FAR2: variants seen among roughly 807,000 people sequenced by gnomAD.
FAR2 encodes the protein epididymis secretory protein Li 81.
In FAR2, 19 loss-of-function variants were observed where a neutral mutation model predicts 56.0. The ratio of observed to expected loss-of-function variants is 0.34; its 90% CI spans 0.24 to 0.50. The LOEUF is 0.50. FAR2 is among the 20% of genes least tolerant of loss of function. The pLI, the probability that FAR2 is intolerant of heterozygous loss-of-function variation, is 0.98. For synonymous variants in FAR2, 219 were observed against 218.8 expected, an observed-to-expected ratio of 1.00 and a Z score of -0.01; for missense variants, 508 against 642.2, an observed-to-expected ratio of 0.79 and a Z score of 2.26.
chr12:29,325,702 C>T (rs11050193), intron 10 of FAR2, among the ~76,000 whole-genome samples: 45,715 of 151,948 alleles, frequency 0.3, 6,995 homozygotes, highest in East Asian at 0.35. Flanking sequence ...TTGAAACCAA[C>T]GAGAACAAAG....
At chr12:29,204,597 A>G (rs953177756) in intron 1 of FAR2, among the ~76,000 whole-genome samples, 4 of 152,212 alleles carry the variant, frequency 2.6e-5, no homozygotes, top group Non-Finnish European at 2.9e-5. Context: ...TTGCACTGCT[A>G]TAAAGAAATA....
chr12:29,158,509 C>G (rs1949751603), intron 1 of FAR2, among the ~76,000 whole-genome samples: 1 of 152,352 alleles, frequency 6.6e-6, no homozygotes, highest in East Asian at 1.9e-4. Flanking sequence ...TGTGACATTG[C>G]CTCTTCCTTC....
intron 1 of FAR2, among the ~76,000 whole-genome samples, chr12:29,257,341 C>CT (rs1376823840): frequency 6.6e-6 from 1 of 152,120 alleles, no homozygotes; most frequent in Non-Finnish European, 1.5e-5. Flanking sequence ...CGTGGAGAAC[C>CT]TTTGTGTCTA....
At chr12:29,200,411 G>A (rs34270636) in intron 1 of FAR2, among the ~76,000 whole-genome samples, 5,916 of 152,178 alleles carry the variant, frequency 0.039, 334 homozygotes, top group African/African-American at 0.13. Context: ...AGAGTGGCAC[G>A]GCTGTCAACT....
intron 10 of FAR2, among the ~76,000 whole-genome samples, chr12:29,323,168 A>G (rs1172825959): frequency 6.6e-6 from 1 of 152,212 alleles, no homozygotes; most frequent in African/African-American, 2.4e-5. Flanking sequence ...GCAGTCTGAG[A>G]TCAAACTGCA....
At chr12:29,275,191 C>T (rs1028489283) in intron 2 of FAR2, among the ~76,000 whole-genome samples, 1 of 151,430 alleles carries the variant, frequency 6.6e-6, no homozygotes, top group South Asian at 2.1e-4. Flanking sequence ...GGGGTGGGGC[C>T]GTTTTATAGG....
rs1254171349 is a variant in FAR2, at chr12:29,332,810, G to A, written c.1385+83G>A. On this transcript the variant is annotated intron_variant, in intron 11 of 11. Transcript: ENST00000536681. ...CCAGACATAACATTTGTGCAGAGGA[G>A]AATGAACATTTCTTGAGCATTTACT... 8.4e-6 allele frequency: 11 copies of A among 1,314,422 alleles called. No homozygotes were observed. The East Asian group carries it at 1.0e-4, about 12-fold the overall frequency. The allele number at this position is 1,314,422 out of a possible 1,614,324, so 81.4% of individuals were successfully genotyped here.
At chr12:29,329,337 G>A (rs1198681030) in intron 10 of FAR2, among the ~76,000 whole-genome samples, 1 of 152,122 alleles carries the variant, frequency 6.6e-6, no homozygotes, top group Non-Finnish European at 1.5e-5. Context: ...TAACTCAAAA[G>A]GTAATGAGCT....
At chr12:29,257,695 C>T (rs1004341688) in intron 1 of FAR2, among the ~76,000 whole-genome samples, 1 of 151,978 alleles carries the variant, frequency 6.6e-6, no homozygotes, top group African/African-American at 2.4e-5. Flanking sequence ...TAACACTCAC[C>T]TCGAAGGTCT....
At chr12:29,265,175 A>AC (rs1774163828) in intron 1 of FAR2, among the ~76,000 whole-genome samples, 1 of 152,192 alleles carries the variant, frequency 6.6e-6, no homozygotes, top group African/African-American at 2.4e-5. Context: ...AGAAAAAGTA[A>AC]CCCTAAAATT....
At chr12:29,149,933 C>T (rs1949668566) in intron 1 of FAR2, among the ~76,000 whole-genome samples, 1 of 152,190 alleles carries the variant, frequency 6.6e-6, no homozygotes, top group Non-Finnish European at 1.5e-5. Flanking sequence ...AGCAGGTCCT[C>T]GCCAGCCCCC....
rs930841029 is a variant in FAR2, at chr12:29,159,310, G to A, written c.-39+9903G>A. Among the ~76,000 whole-genome samples the A allele has an allele frequency of 5.9e-5, 9 of 152,174 alleles. No homozygotes were observed. In the East Asian group the frequency reaches 1.5e-3, roughly 26 times the overall value. ...TCCTAGCACTTTGGGAGGCCAAGGC[G>A]GGCGGATCATGAGGTCAGGAGATCG... On this transcript the variant is annotated intron_variant, in intron 1 of 11. Coordinates refer to ENST00000536681, the MANE Select transcript of FAR2 (RefSeq NM_001271783.2).
intron 2 of FAR2, among the ~76,000 whole-genome samples, chr12:29,271,827 G>A (rs1216982862): frequency 6.6e-6 from 1 of 152,148 alleles, no homozygotes; most frequent in African/African-American, 2.4e-5. Flanking sequence ...CAATAACCCT[G>A]TGAAGTAAGA....
intron 1 of FAR2, among the ~76,000 whole-genome samples, chr12:29,233,174 T>C (rs1314509040): frequency 6.6e-6 from 1 of 152,204 alleles, no homozygotes; most frequent in Non-Finnish European, 1.5e-5. Context: ...ATTTTCTTGC[T>C]ACCGTCCCTA....
chr12:29,310,994 T>C, intron 6 of FAR2, 34 bp from the exon 7 acceptor site: 3 of 1,507,220 alleles, frequency 2.0e-6, no homozygotes, highest in Non-Finnish European at 2.8e-6. Flanking sequence ...ATTTAAGACC[T>C]GGTTTAATAT....
intron 1 of FAR2, among the ~76,000 whole-genome samples, chr12:29,227,339 C>G (rs1409934265): frequency 6.6e-6 from 1 of 152,122 alleles, no homozygotes; most frequent in Non-Finnish European, 1.5e-5. Context: ...ATATCTGAAG[C>G]AAAACATTGT....
chr12:29,284,361 C>G (rs1948836482), intron 2 of FAR2, among the ~76,000 whole-genome samples: 1 of 152,154 alleles, frequency 6.6e-6, no homozygotes, highest in Admixed American at 6.5e-5. Flanking sequence ...GAAGACCAGA[C>G]AAAATTCAAG....
At chr12:29,193,196 C>T (rs1331255221) in intron 1 of FAR2, among the ~76,000 whole-genome samples, 1 of 152,122 alleles carries the variant, frequency 6.6e-6, no homozygotes, top group Non-Finnish European at 1.5e-5. Context: ...TATCAATATC[C>T]TACACAAGAG....
intron 1 of FAR2, among the ~76,000 whole-genome samples, chr12:29,242,686 T>A (rs183205577): frequency 6.6e-6 from 1 of 152,330 alleles, no homozygotes; most frequent in East Asian, 1.9e-4. Context: ...TGCAGGCCGA[T>A]ATTAGAGTCA....
Sources: gnomAD v4.1 joint callset for allele counts (sites outside exome capture counted in the v4.1 genomes callset) on GRCh38, gnomAD v4.1.1 for gene constraint, MANE v1.5 for transcripts, NCBI Gene and HGNC (gene_info 2026-07-23, HGNC 2026-07-21) for gene names.